Variants in NETO1 observed in about 807,000 individuals in gnomAD.
NETO1 encodes neuropilin and tolloid like 1, also known as neuropilin and tolloid-like protein 1.
In NETO1, 26 loss-of-function variants were observed where a neutral mutation model predicts 61.3. The observed-to-expected ratio is 0.42, with a 90% CI of 0.31 to 0.59. NETO1 has a LOEUF of 0.59. Ranked by LOEUF, NETO1 falls within the 20% of genes least tolerant of loss-of-function variation. The pLI is 0.12. For missense variants in NETO1, 531 were observed against 662.8 expected, an observed-to-expected ratio of 0.80 and a Z score of 2.18; for synonymous variants, 225 against 225.8, an observed-to-expected ratio of 1.00 and a Z score of 0.03.
intron 4 of NETO1, among the ~76,000 whole-genome samples, chr18:72,824,998 A>G (rs1274290657): frequency 6.6e-6 from 1 of 152,240 alleles, no homozygotes; most frequent in Non-Finnish European, 1.5e-5. Flanking sequence ...GTAGAAGGCA[A>G]AATAAAACAA....
chr18:72,781,973 G>T (rs1043716310), intron 7 of NETO1, among the ~76,000 whole-genome samples: 11 of 152,062 alleles, frequency 7.2e-5, no homozygotes, highest in Non-Finnish European at 1.5e-4. Flanking sequence ...TACCCAACAG[G>T]GGTACTATGG....
Position 72,794,221 on chromosome 18 carries a change from A to G in NETO1, c.535T>C (p.Ser179Pro). The G allele has an allele frequency of 6.2e-7, 1 of 1,614,166 alleles. No individual in the cohort carries two copies. ...TGTATAGACTCCACAATTCCTTCGGAACCGCCCATCTCAAACTCACACGCT... is the reference window on the plus strand; with the variant it reads ...TGTATAGACTCCACAATTCCTTCGGGACCGCCCATCTCAAACTCACACGCT... ...LPACEFEMGGSEGIVESIQIM... is the reference protein window; with the variant it reads ...LPACEFEMGGPEGIVESIQIM... Residue 179 changes from serine to proline, a missense_variant, in exon 6 of 11, where the codon TCC (serine) becomes CCC (proline). Coordinates refer to ENST00000327305, the MANE Select transcript of NETO1 (RefSeq NM_138966.5).
At chr18:72,847,741 C>T (rs548350204) in intron 4 of NETO1, among the ~76,000 whole-genome samples, 89 of 152,262 alleles carry the variant, frequency 5.8e-4, no homozygotes, top group African/African-American at 2.0e-3. Flanking sequence ...GCATTTGGAA[C>T]GAAGGTATTT....
At chr18:72,808,305 G>C (rs1272552803) in intron 4 of NETO1, among the ~76,000 whole-genome samples, 3 of 152,154 alleles carry the variant, frequency 2.0e-5, no homozygotes, top group Non-Finnish European at 4.4e-5. Flanking sequence ...GAGTGTCTAG[G>C]AATAACGAAG....
intron 4 of NETO1, among the ~76,000 whole-genome samples, chr18:72,817,949 C>A (rs2073077977): frequency 2.0e-5 from 3 of 152,148 alleles, no homozygotes; most frequent in South Asian, 4.1e-4. Context: ...CTGAAGCCTG[C>A]TATAGCCCTG....
At chr18:72,801,248 G>A (rs1244914889) in intron 4 of NETO1, among the ~76,000 whole-genome samples, 1 of 143,930 alleles carries the variant, frequency 6.9e-6, no homozygotes, top group Non-Finnish European at 1.6e-5. Context: ...CCTTGACTCT[G>A]ATTAGACTCT....
At chr18:72,782,536 G>A (rs1187641278) in intron 7 of NETO1, among the ~76,000 whole-genome samples, 1 of 152,198 alleles carries the variant, frequency 6.6e-6, no homozygotes, top group Non-Finnish European at 1.5e-5. Flanking sequence ...CAGGCACAGT[G>A]GCTCATGCCT....
In NETO1 at chr18:72,867,368, G is replaced by T; in HGVS notation, c.-77C>A. On this transcript the variant is annotated 5_prime_UTR_variant, in exon 1 of 11. Coordinates refer to ENST00000327305, the MANE Select transcript of NETO1 (RefSeq NM_138966.5). ...GGGAAGACTTCCAGTGGCGGGGGGA[G>T]GACAGGGTCGAGAGGTGTTAAAGAC... is the stretch of plus-strand genomic sequence containing the variant. The T allele has an allele frequency of 7.8e-7, 1 of 1,278,220 alleles. No homozygotes were observed. The highest frequency in any genetic ancestry group is 1.1e-6 in the Non-Finnish European group (1 of 926,830). The allele number at this position is 1,278,220 out of a possible 1,614,324, so 79.2% of individuals were successfully genotyped here.
chr18:72,795,543 A>T (rs1205369440), intron 4 of NETO1, among the ~76,000 whole-genome samples: 1 of 152,212 alleles, frequency 6.6e-6, no homozygotes, highest in Non-Finnish European at 1.5e-5. Flanking sequence ...TTTATGGAGT[A>T]ACTTATTCTC....
intron 8 of NETO1, among the ~76,000 whole-genome samples, chr18:72,754,817 T>C (rs2145099505): frequency 6.6e-6 from 1 of 152,288 alleles, no homozygotes; most frequent in African/African-American, 2.4e-5. Flanking sequence ...TTATAGCTTG[T>C]TTAAGTTTAT....
At chr18:72,865,686 T>G (rs527369647) in intron 1 of NETO1, 8 of 1,556,532 alleles carry the variant, frequency 5.1e-6, no homozygotes, top group Non-Finnish European at 7.0e-6. Context: ...CCTGACATAC[T>G]GCAGTGTGGC....
rs564812419 is a variant in NETO1 at position 72,810,637 on chromosome 18, C to T, written c.470-16233G>A. On this transcript the variant is annotated intron_variant, in intron 4 of 10. Coordinates refer to ENST00000327305, the MANE Select transcript of NETO1 (RefSeq NM_138966.5). ...GAAAAGGCACTGCATTACAAAAGCACTCTGAAATGGTGCACTTGCTCCTAC... is the reference window on the plus strand; with the variant it reads ...GAAAAGGCACTGCATTACAAAAGCATTCTGAAATGGTGCACTTGCTCCTAC... Among the ~76,000 whole-genome samples, 20 of 152,310 alleles carry T rather than the reference C, an allele frequency of 1.3e-4. No homozygotes were observed. The South Asian group carries it at 4.1e-3, about 32-fold the overall frequency.
At chr18:72,772,821 CTCTCTATATA>C (rs1194349772) in intron 7 of NETO1, among the ~76,000 whole-genome samples, 21 of 50,682 alleles carry the variant, frequency 4.1e-4, no homozygotes, top group South Asian at 9.9e-4. Flanking sequence ...CTCTCTCTCT[CTCTCTATATA>C]TATATATATA....
chr18:72,819,270 A>G (rs1240327016), intron 4 of NETO1, among the ~76,000 whole-genome samples: 1 of 152,106 alleles, frequency 6.6e-6, no homozygotes, highest in Non-Finnish European at 1.5e-5. Flanking sequence ...CCACCTATGT[A>G]ATTATTCAGG....
intron 4 of NETO1, among the ~76,000 whole-genome samples, chr18:72,845,547 G>C (rs2074057192): frequency 6.6e-6 from 1 of 152,136 alleles, no homozygotes; most frequent in African/African-American, 2.4e-5. Context: ...ACAATGATTT[G>C]GCATCTGGTC....
chr18:72,839,414 G>A (rs533083249), intron 4 of NETO1, among the ~76,000 whole-genome samples: 8 of 152,280 alleles, frequency 5.3e-5, no homozygotes, highest in Non-Finnish European at 1.2e-4. Context: ...CTTAAAAGCA[G>A]TTTTAATGGA....
chr18:72,755,049 T>C (rs922652563), intron 8 of NETO1, among the ~76,000 whole-genome samples: 2 of 152,172 alleles, frequency 1.3e-5, no homozygotes, highest in Non-Finnish European at 2.9e-5. Flanking sequence ...AAAAAATAAA[T>C]ATGGACTTTC....
At chr18:72,835,221 A>T in intron 4 of NETO1, 1 of 1,471,008 alleles carries the variant, frequency 6.8e-7, no homozygotes. Context: ...ATGGTGTTAG[A>T]TCAACGTTCT....
At chr18:72,795,929 A>C (rs2072295571) in intron 4 of NETO1, among the ~76,000 whole-genome samples, 1 of 152,118 alleles carries the variant, frequency 6.6e-6, no homozygotes, top group African/African-American at 2.4e-5. Flanking sequence ...CTTTGAGTTG[A>C]GGTTTCTTTG....
Sources: allele counts gnomAD v4.1 joint callset (sites outside exome capture counted in the v4.1 genomes callset), GRCh38; gene constraint gnomAD v4.1.1; transcripts MANE v1.5; gene names NCBI Gene and HGNC (gene_info 2026-07-23, HGNC 2026-07-21).